Variants in ARPP21 observed in about 807,000 individuals in gnomAD.
ARPP21 encodes the protein cAMP-regulated phosphoprotein 21.
Under a neutral mutation model 113.2 loss-of-function variants are expected in ARPP21, and 69 were observed. That is an observed-to-expected ratio of 0.61 (90% CI 0.50 to 0.74). The LOEUF is 0.74. ARPP21 is among the 30% of genes least tolerant of loss of function. The pLI is 0.00. For missense variants in ARPP21, 1,070 were observed against 1,037.4 expected, an observed-to-expected ratio of 1.03 and a Z score of -0.43; for synonymous variants, 368 against 375.5, an observed-to-expected ratio of 0.98 and a Z score of 0.23.
chr3:35,701,424 G>T (rs936350088), intron 9 of ARPP21, among the ~76,000 whole-genome samples: 1 of 151,670 alleles, frequency 6.6e-6, no homozygotes, highest in East Asian at 1.9e-4. Flanking sequence ...GTTTTGTTAA[G>T]CTAAGTATAT....
chr3:35,672,696 T>C (rs2076625720), intron 1 of ARPP21, among the ~76,000 whole-genome samples: 2 of 152,176 alleles, frequency 1.3e-5, no homozygotes, highest in Non-Finnish European at 1.5e-5. Flanking sequence ...GAAGAGAATC[T>C]TTTTTACTAC....
intron 19 of ARPP21, among the ~76,000 whole-genome samples, chr3:35,790,062 C>G (rs2096716962): frequency 6.6e-6 from 1 of 152,142 alleles, no homozygotes; most frequent in South Asian, 2.1e-4. Flanking sequence ...CTCCTTTCCT[C>G]TCCATCTTTT....
intron 1 of ARPP21, among the ~76,000 whole-genome samples, chr3:35,654,648 T>C (rs1052271124): frequency 1.3e-5 from 2 of 152,080 alleles, no homozygotes; most frequent in Admixed American, 6.6e-5. Flanking sequence ...TGACTGTGCT[T>C]TCAGTGTTTG....
Position 35,737,274 on chromosome 3 carries a change from A to C in ARPP21, c.1556A>C (p.Gln519Pro), listed in dbSNP as rs771216051. 1.2e-6 allele frequency: 2 copies of C among 1,612,132 alleles called. No individual in the cohort carries two copies. The highest frequency in any genetic ancestry group is 1.7e-6 in the Non-Finnish European group (2 of 1,178,584). ...LRSAMVGQSQ[Q>P]QPPQQQPSPQ... ...AGCGCCATGGTGGGGCAGTCCCAAC[A>C]GCAGCCACCACAGCAGCAGCCCTCC... The change falls in exon 16 of 21, where the codon CAG (glutamine) becomes CCG (proline). Residue 519 changes from glutamine (Q) to proline (P), a missense_variant. Gln to Pro is a moderately conservative substitution (Grantham distance 76). Transcript: ENST00000684406.
chr3:35,686,352 T>A lies in ARPP21; in HGVS notation c.262-1387T>A, dbSNP rs1355379342. Reference sequence around the variant, plus strand: ...AAATTACACTCAGGTTTTACAAAGTTTATATATGTACATCCCCAGGAAAAA... The same window carrying A: ...AAATTACACTCAGGTTTTACAAAGTATATATATGTACATCCCCAGGAAAAA... On this transcript the variant is annotated intron_variant, in intron 5 of 20. Transcript: ENST00000684406. Among the ~76,000 whole-genome samples the A allele has an allele frequency of 2.6e-5, 4 of 151,718 alleles. No homozygotes were observed. The East Asian group carries it at 7.8e-4, about 30-fold the overall frequency.
intron 1 of ARPP21, among the ~76,000 whole-genome samples, chr3:35,662,929 A>T (rs2884792): frequency 6.6e-6 from 1 of 151,894 alleles, no homozygotes; most frequent in Non-Finnish European, 1.5e-5. Flanking sequence ...TGAGTGGCAT[A>T]GGGAAGAAAG....
At chr3:35,647,030 A>C (rs1035235083) in intron 1 of ARPP21, among the ~76,000 whole-genome samples, 4 of 152,296 alleles carry the variant, frequency 2.6e-5, no homozygotes, top group Middle Eastern at 3.4e-3. Context: ...TGGAATGATA[A>C]GTTAATCTAG....
At chr3:35,684,753 T>TA in intron 5 of ARPP21, 1 of 985,232 alleles carries the variant, frequency 1.0e-6, no homozygotes, top group Non-Finnish European at 1.2e-6. Context: ...GCACTTTCTT[T>TA]AAAAGGACCA....
Position 35,737,285 on chromosome 3 carries a change from C to A in ARPP21, c.1567C>A (p.Gln523Lys). ...MVGQSQQQPPQQQPSPQPQQQ... is the reference protein window; with the variant it reads ...MVGQSQQQPPKQQPSPQPQQQ... ...GGGGCAGTCCCAACAGCAGCCACCACAGCAGCAGCCCTCCCCGCAGCCCCA... is the reference window on the plus strand; with the variant it reads ...GGGGCAGTCCCAACAGCAGCCACCAAAGCAGCAGCCCTCCCCGCAGCCCCA... Residue 523 changes from glutamine (Q) to lysine (K), a missense_variant, in exon 16 of 21, where the codon CAG becomes AAG. By Grantham distance (53) the Gln-to-Lys change is moderately conservative. Transcript: ENST00000684406. 6.2e-7 allele frequency: 1 copy of A among 1,612,804 alleles called. No individual in the cohort carries two copies. Among genetic ancestry groups the A allele is most frequent in the Non-Finnish European group, 8.5e-7 (1 of 1,178,984 alleles).
intron 14 of ARPP21, among the ~76,000 whole-genome samples, chr3:35,724,269 T>C (rs2150357767): frequency 6.6e-6 from 1 of 152,318 alleles, no homozygotes; most frequent in Non-Finnish European, 1.5e-5. Flanking sequence ...ATGATGCGAT[T>C]GTATCCTCCT....
At position 35,684,146 on chromosome 3, in the gene ARPP21, A is replaced by G. The variant is rs975160323; in HGVS notation, c.261+331A>G. 11 of 1,438,268 alleles carry G rather than the reference A, an allele frequency of 7.6e-6. No individual in the cohort carries two copies. In the African/African-American group the frequency reaches 1.4e-4, roughly 19 times the overall value. The allele number at this position is 1,438,268 out of a possible 1,614,324, so 89.1% of individuals were successfully genotyped here. On this transcript the variant is annotated intron_variant, in intron 5 of 20. Coordinates refer to ENST00000684406, the MANE Select transcript of ARPP21 (RefSeq NM_001385562.1). ...CTTTTGATAAGGCTGAACCAAATATAATCCCAAGTATCCTCTCTCCTTCCT... is the reference window on the plus strand; with the variant it reads ...CTTTTGATAAGGCTGAACCAAATATGATCCCAAGTATCCTCTCTCCTTCCT...
chr3:35,743,299 A>AAAAC (rs1176830843), intron 18 of ARPP21, among the ~76,000 whole-genome samples: 2 of 152,226 alleles, frequency 1.3e-5, no homozygotes, highest in African/African-American at 4.8e-5. Flanking sequence ...TTTCATCTAA[A>AAAAC]AAACACAAAA....
intron 11 of ARPP21, among the ~76,000 whole-genome samples, chr3:35,711,201 T>G (rs977236289): frequency 6.6e-6 from 1 of 152,160 alleles, no homozygotes; most frequent in African/African-American, 2.4e-5. Context: ...GCTTTTTAAC[T>G]TGATATCCTA....
At chr3:35,741,863 C>A (rs1476390072) in intron 18 of ARPP21, among the ~76,000 whole-genome samples, 2 of 152,060 alleles carry the variant, frequency 1.3e-5, no homozygotes, top group Non-Finnish European at 2.9e-5. Flanking sequence ...GAGGTTAGAC[C>A]AAGATCTCAT....
intron 6 of ARPP21, among the ~76,000 whole-genome samples, chr3:35,688,421 C>T (rs889343170): frequency 6.6e-6 from 1 of 151,546 alleles, no homozygotes; most frequent in Admixed American, 6.6e-5. Context: ...TTAAGAAATA[C>T]CCACTTCTAC....
intron 19 of ARPP21, 156 bp from the exon 20 acceptor site, chr3:35,792,226 G>T (rs746554774): frequency 8.2e-5 from 55 of 671,894 alleles, no homozygotes; most frequent in South Asian, 5.9e-4. Context: ...AAAAAAAAGA[G>T]AAAATGCATT....
At chr3:35,792,633 T>C in intron 20 of ARPP21, 103 bp downstream of exon 20, 1 of 990,900 alleles carries the variant, frequency 1.0e-6, no homozygotes, top group South Asian at 1.4e-5. Flanking sequence ...GGGTAATGCG[T>C]GCTTGGTCCA....
At chr3:35,643,173 A>C (rs1250532404) in intron 1 of ARPP21, among the ~76,000 whole-genome samples, 2 of 152,082 alleles carry the variant, frequency 1.3e-5, no homozygotes, top group Non-Finnish European at 2.9e-5. Context: ...TCTTTTGTTC[A>C]GAGTAAAGCT....
intron 19 of ARPP21, among the ~76,000 whole-genome samples, chr3:35,764,247 G>A (rs940606761): frequency 6.6e-6 from 1 of 152,068 alleles, no homozygotes; most frequent in East Asian, 1.9e-4. Flanking sequence ...AAATCTCTTA[G>A]AGACACATAT....
Sources: allele counts gnomAD v4.1 joint callset (sites outside exome capture counted in the v4.1 genomes callset), GRCh38; gene constraint gnomAD v4.1.1; transcripts MANE v1.5; gene names NCBI Gene and HGNC (gene_info 2026-07-23, HGNC 2026-07-21).